The following GRIP1 variants were observed in gnomAD, a reference collection of about 807,000 sequenced individuals.
GRIP1 encodes glutamate receptor-interacting protein 1.
In GRIP1, 45 loss-of-function variants were observed where a neutral mutation model predicts 129.9. That is an observed-to-expected ratio of 0.35 (90% CI 0.27 to 0.44). GRIP1 has a LOEUF of 0.44. GRIP1 is among the 20% of genes least tolerant of loss of function. GRIP1 has a pLI of 1.00. For missense variants in GRIP1, 1,196 were observed against 1,396.8 expected (o/e 0.86, Z 2.29); for synonymous variants, 530 against 520.8 (o/e 1.02, Z -0.24).
chr12:66,463,198 ATAAAAG>A (rs747888686), intron 8 of GRIP1, 105 bp from the exon 9 acceptor site: 1 of 1,013,562 alleles, frequency 9.9e-7, no homozygotes, highest in Non-Finnish European at 1.5e-6. Context: ...TTTACTTAAA[ATAAAAG>A]AAAAGAAAAG....
At chr12:66,733,990 G>A (rs1386423442) in intron 1 of GRIP1, among the ~76,000 whole-genome samples, 2 of 152,132 alleles carry the variant, frequency 1.3e-5, no homozygotes, top group Non-Finnish European at 2.9e-5. Flanking sequence ...CAGGAGAGAG[G>A]TGGTTTTCTA....
At chr12:66,547,894 T>C (rs2061995465) in intron 2 of GRIP1, among the ~76,000 whole-genome samples, 1 of 152,194 alleles carries the variant, frequency 6.6e-6, no homozygotes, top group African/African-American at 2.4e-5. Flanking sequence ...GTTCTGTAGA[T>C]ATTTCTATTG....
chr12:66,700,025 T>G (rs560472813), intron 1 of GRIP1, among the ~76,000 whole-genome samples: 1 of 152,272 alleles, frequency 6.6e-6, no homozygotes, highest in East Asian at 1.9e-4. Context: ...CAGGGAGAGC[T>G]TCTCTTCTTC....
intron 14 of GRIP1, among the ~76,000 whole-genome samples, chr12:66,424,565 C>A (rs762870771): frequency 1.3e-5 from 2 of 152,054 alleles, no homozygotes; most frequent in Non-Finnish European, 2.9e-5. Flanking sequence ...CCCTTCTTGT[C>A]CCCCCATTTT....
upstream of GRIP1, among the ~76,000 whole-genome samples, chr12:66,805,148 T>A (rs145761231): frequency 6.6e-6 from 1 of 152,156 alleles, no homozygotes; most frequent in African/African-American, 2.4e-5. Context: ...AGCTCAATTG[T>A]TACATTTTTA....
At chr12:66,970,873 T>C (rs531235226) in intron 1 of GRIP1, among the ~76,000 whole-genome samples, 1 of 152,314 alleles carries the variant, frequency 6.6e-6, no homozygotes, top group East Asian at 1.9e-4. Flanking sequence ...GATAAGACTC[T>C]GGTAAAGCCC....
intron 1 of GRIP1, among the ~76,000 whole-genome samples, chr12:66,972,835 C>T (rs1271835135): frequency 6.6e-6 from 1 of 152,174 alleles, no homozygotes; most frequent in African/African-American, 2.4e-5. Context: ...AACCCCTAAA[C>T]TTACATGCAA....
At chr12:66,906,068 C>T (rs758910182) in intron 1 of GRIP1, among the ~76,000 whole-genome samples, 11 of 151,906 alleles carry the variant, frequency 7.2e-5, no homozygotes, top group South Asian at 2.1e-4. Flanking sequence ...TATCTAGGCA[C>T]GCAAATATTA....
intron 1 of GRIP1, among the ~76,000 whole-genome samples, chr12:66,633,583 T>A (rs2031060306): frequency 6.6e-6 from 1 of 152,108 alleles, no homozygotes; most frequent in African/African-American, 2.4e-5. Context: ...ATGGCCACAT[T>A]TTTTTTCTTT....
intron 1 of GRIP1, among the ~76,000 whole-genome samples, chr12:66,822,272 A>G (rs2039334354): frequency 6.6e-6 from 1 of 152,222 alleles, no homozygotes; most frequent in Non-Finnish European, 1.5e-5. Context: ...TTCTCAGCAT[A>G]CTTGTGAAAA....
chr12:66,490,779 TC>T (rs1315750877), intron 7 of GRIP1, among the ~76,000 whole-genome samples: 5 of 150,872 alleles, frequency 3.3e-5, no homozygotes, highest in African/African-American at 1.2e-4. Flanking sequence ...AAAAAAACAA[TC>T]CCATTAAAAA....
Position 66,392,290 on chromosome 12 carries a change from G to A in GRIP1, c.2464+18C>T, listed in dbSNP as rs762831429. 4 of 1,433,756 alleles carry A rather than the reference G, an allele frequency of 2.8e-6. No homozygotes were observed. The highest frequency in any genetic ancestry group is 1.7e-4 in the Middle Eastern group (1 of 5,756). The allele number at this position is 1,433,756 out of a possible 1,614,324, so 88.8% of individuals were successfully genotyped here. On this transcript the variant is annotated intron_variant, in intron 19 of 24. Transcript: ENST00000359742. ...TTCAACAATGACAAGTCCTCTGGGGGACAAAGTAAAGACATACCTTGAGTT... is the reference window on the plus strand; with the variant it reads ...TTCAACAATGACAAGTCCTCTGGGGAACAAAGTAAAGACATACCTTGAGTT...
At chr12:66,431,312 C>G (rs80327591) in intron 14 of GRIP1, among the ~76,000 whole-genome samples, 1,582 of 152,156 alleles carry the variant, frequency 0.01, 27 homozygotes, top group African/African-American at 0.036. Context: ...TCTAAAATCC[C>G]ATTCCATCTT....
At chr12:66,665,055 C>A (rs1468994190) in intron 1 of GRIP1, among the ~76,000 whole-genome samples, 2 of 152,086 alleles carry the variant, frequency 1.3e-5, no homozygotes, top group Admixed American at 6.6e-5. Context: ...GCTGTGCCAC[C>A]TAGGCTAGAG....
chr12:66,499,591 G>C (rs2060330903), intron 7 of GRIP1, among the ~76,000 whole-genome samples: 1 of 152,112 alleles, frequency 6.6e-6, no homozygotes, highest in Admixed American at 6.5e-5. Flanking sequence ...CACACACACA[G>C]ATAACTATAG....
At position 66,853,252 on chromosome 12, in the gene GRIP1, T is replaced by C. The variant is rs548992047; in HGVS notation, c.58+215798A>G. On this transcript the variant is annotated intron_variant, in intron 1 of 1. Coordinates refer to the GRIP1 transcript ENST00000643019. ...ACTTTCAGGATGCTCCAATAGTTCC[T>C]TAAATACTCCCAAATCTTTCTCATG... Among the ~76,000 whole-genome samples, 12 of 152,008 alleles carry C rather than the reference T, an allele frequency of 7.9e-5. No individual in the cohort carries two copies. The South Asian group carries it at 2.5e-3, about 32-fold the overall frequency.
intron 15 of GRIP1, 122 bp downstream of exon 15, chr12:66,420,598 T>A: frequency 1.4e-6 from 1 of 719,236 alleles, no homozygotes; most frequent in East Asian, 2.5e-5. Context: ...TAATAGTGGC[T>A]GCTTGGAAGT....
intron 1 of GRIP1, among the ~76,000 whole-genome samples, chr12:66,821,835 C>A (rs1450877862): frequency 6.6e-6 from 1 of 152,124 alleles, no homozygotes; most frequent in Non-Finnish European, 1.5e-5. Flanking sequence ...TACATTTCAT[C>A]ACACAACAAA....
At chr12:67,007,615 T>C (rs2042646230) in intron 1 of GRIP1, among the ~76,000 whole-genome samples, 1 of 152,154 alleles carries the variant, frequency 6.6e-6, no homozygotes, top group African/African-American at 2.4e-5. Context: ...TAAGAGTTTA[T>C]TAGACAGATG....
Sources: gnomAD v4.1 joint callset for allele counts (sites outside exome capture counted in the v4.1 genomes callset) on GRCh38, gnomAD v4.1.1 for gene constraint, MANE v1.5 for transcripts, NCBI Gene and HGNC (gene_info 2026-07-23, HGNC 2026-07-21) for gene names.